The following SHB variants were observed in gnomAD, a reference collection of about 807,000 sequenced individuals.
SHB encodes the protein SH2 domain-containing adapter protein B.
SHB carries 20 observed loss-of-function variants against 52.3 expected under a neutral mutation model. The observed-to-expected ratio is 0.38, with a 90% CI of 0.27 to 0.56. The LOEUF (loss-of-function observed/expected upper bound fraction) is 0.56. Among genes scored for constraint, SHB ranks in the 20% least tolerant of loss-of-function variants. The probability of loss-of-function intolerance (pLI) is 0.71; values close to 1 mark genes in which losing one functional copy is unlikely to be tolerated. For missense variants in SHB, 825 were observed against 723.3 expected, an observed-to-expected ratio of 1.14 and a Z score of -1.61; for synonymous variants, 397 against 316.5, an observed-to-expected ratio of 1.25 and a Z score of -2.70.
chr9:38,033,352 G>C (rs531990176), intron 1 of SHB, among the ~76,000 whole-genome samples: 1 of 152,142 alleles, frequency 6.6e-6, no homozygotes, highest in African/African-American at 2.4e-5. Flanking sequence ...CAGCCAATTC[G>C]GGGAGGGGGC....
intron 1 of SHB, among the ~76,000 whole-genome samples, chr9:38,018,175 T>C (rs1587246323): frequency 6.6e-6 from 1 of 152,108 alleles, no homozygotes; most frequent in African/African-American, 2.4e-5. Flanking sequence ...GGAGAGGCAG[T>C]TGGGTTGCAG....
chr9:37,960,697 T>A (rs1018188597), intron 3 of SHB, among the ~76,000 whole-genome samples: 1 of 152,158 alleles, frequency 6.6e-6, no homozygotes, highest in African/African-American at 2.4e-5. Context: ...CCCTTTCTGC[T>A]TGTATGACAG....
chr9:37,957,056 G>T (rs1832644086), intron 3 of SHB, among the ~76,000 whole-genome samples: 1 of 152,178 alleles, frequency 6.6e-6, no homozygotes, highest in African/African-American at 2.4e-5. Context: ...CCTTGGCTAC[G>T]CTATTGAACC....
chr9:38,021,650 A>G (rs1214652845), intron 1 of SHB, among the ~76,000 whole-genome samples: 2 of 152,010 alleles, frequency 1.3e-5, no homozygotes, highest in African/African-American at 2.4e-5. Flanking sequence ...CCTGGGTGAC[A>G]CAGCGAGACT....
intron 3 of SHB, among the ~76,000 whole-genome samples, chr9:37,957,830 C>T (rs867440956): frequency 3.9e-5 from 6 of 152,142 alleles, no homozygotes; most frequent in Non-Finnish European, 5.9e-5. Flanking sequence ...CCAAAGGTGA[C>T]ATCTGAATAA....
In SHB at chr9:38,068,250, G is replaced by A. The variant is rs1242496701; in HGVS notation, c.396C>T (p.Ser132=). The A allele has an allele frequency of 6.3e-6, 9 of 1,421,482 alleles. No homozygotes were observed. The highest frequency in any genetic ancestry group is 8.2e-6 in the Non-Finnish European group (9 of 1,098,176). The allele number at this position is 1,421,482 out of a possible 1,614,324, so 88.1% of individuals were successfully genotyped here. A position where few individuals can be genotyped will look rare whatever the true frequency, so the allele number is the denominator to read the frequency against. The change falls in exon 1 of 6, where the codon TCC becomes TCT. Residue 132 remains serine (S), a synonymous_variant. Transcript: ENST00000377707. The stretch of plus-strand genomic sequence containing the variant: ...AGCAACAGCCCGCGGCGCCCGACGC[G>A]GACGAGGCCGAGAAGGCGCGCTGGA... The part of the protein sequence containing the change: ...GGVQRAFSAS[S]ASGAAGCCCA...
intron 4 of SHB, among the ~76,000 whole-genome samples, chr9:37,954,765 T>C (rs540506380): frequency 7.2e-4 from 110 of 152,246 alleles, no homozygotes; most frequent in Non-Finnish European, 1.0e-3. Flanking sequence ...ATTCACAGAA[T>C]GAATGGCAGG....
intron 1 of SHB, among the ~76,000 whole-genome samples, chr9:38,059,540 G>A (rs1378300249): frequency 2.6e-5 from 4 of 152,210 alleles, no homozygotes; most frequent in Non-Finnish European, 5.9e-5. Flanking sequence ...GCCGCTGAAA[G>A]TGAAACATTA....
intron 5 of SHB, among the ~76,000 whole-genome samples, chr9:37,931,845 C>G (rs1445334404): frequency 1.3e-5 from 2 of 152,180 alleles, no homozygotes; most frequent in Non-Finnish European, 2.9e-5. Context: ...AACTGAAGGT[C>G]TGTCAAGGAT....
chr9:38,032,979 G>T (rs1239778956), intron 1 of SHB, among the ~76,000 whole-genome samples: 1 of 152,140 alleles, frequency 6.6e-6, no homozygotes, highest in Non-Finnish European at 1.5e-5. Flanking sequence ...AAAATATGCT[G>T]GCTGTTGTTA....
At chr9:37,994,797 C>T (rs933785853) in intron 2 of SHB, among the ~76,000 whole-genome samples, 1 of 152,152 alleles carries the variant, frequency 6.6e-6, no homozygotes, top group Non-Finnish European at 1.5e-5. Flanking sequence ...GGGAAGACTT[C>T]TCGTTTTTTT....
chr9:37,982,114 T>C (rs953440814), intron 2 of SHB, among the ~76,000 whole-genome samples: 1 of 149,942 alleles, frequency 6.7e-6, no homozygotes, highest in African/African-American at 2.4e-5. Flanking sequence ...AAAAATGCAA[T>C]ACCTGCAAAC....
intron 5 of SHB, among the ~76,000 whole-genome samples, chr9:37,926,299 G>A (rs1040176117): frequency 2.6e-5 from 4 of 151,980 alleles, no homozygotes; most frequent in Middle Eastern, 3.4e-3. Flanking sequence ...CCAGGGAAGT[G>A]GGACATTTTG....
intron 5 of SHB, among the ~76,000 whole-genome samples, chr9:37,928,910 G>A (rs2118468723): frequency 6.6e-6 from 1 of 152,380 alleles, no homozygotes; most frequent in East Asian, 1.9e-4. Context: ...TCCAGAGCAG[G>A]ACCATGCAGA....
At position 38,004,884 on chromosome 9, in the gene SHB, G is replaced by A. The variant is rs143158846; in HGVS notation, c.838+11127C>T. Reference sequence around the variant, plus strand: ...CCATTGGCCAGGGCAGAGGTGAGCCGGCCCAGCAGGCATGAGACCCAGTTC... The same window carrying A: ...CCATTGGCCAGGGCAGAGGTGAGCCAGCCCAGCAGGCATGAGACCCAGTTC... On this transcript the variant is annotated intron_variant, in intron 2 of 5. Transcript: ENST00000377707. 1.6e-3 allele frequency among the ~76,000 whole-genome samples: 243 copies of A among 152,366 alleles called. 1 individual carries two copies. The highest frequency in any genetic ancestry group is 9.6e-3 in the East Asian group (50 of 5,188).
chr9:37,974,638 G>A lies in SHB; in HGVS notation c.1038C>T (p.Thr346=). Residue 346 remains threonine (T), a synonymous_variant, in exon 3 of 6, where the codon ACC becomes ACT. Transcript: ENST00000377707. ...GCTCCTTACCTGCCAGGGCTGGGAT[G>A]GTGACCCGGTTCCACTCCCAAGGCT... The part of the protein sequence containing the change: ...YDQPWEWNRV[T]IPALAAQFNG... 6.2e-7 allele frequency: 1 copy of A among 1,612,958 alleles called. No homozygotes were observed.
chr9:37,955,520 C>T (rs1274900175), intron 4 of SHB, among the ~76,000 whole-genome samples: 1 of 152,158 alleles, frequency 6.6e-6, no homozygotes, highest in Non-Finnish European at 1.5e-5. Context: ...CTCTGTTGCC[C>T]AGGCTCGACT....
chr9:37,934,446 G>A (rs1832346198), intron 5 of SHB, among the ~76,000 whole-genome samples: 1 of 152,012 alleles, frequency 6.6e-6, no homozygotes, highest in Admixed American at 6.6e-5. Context: ...TTACAGGTGT[G>A]AGCCACCATG....
intron 1 of SHB, among the ~76,000 whole-genome samples, chr9:38,065,258 G>A (rs1306828250): frequency 2.6e-5 from 4 of 152,174 alleles, no homozygotes; most frequent in Admixed American, 6.5e-5. Context: ...CTGCCTGATG[G>A]GGTGGAGGTG....
Sources: allele counts gnomAD v4.1 joint callset (sites outside exome capture counted in the v4.1 genomes callset), GRCh38; gene constraint gnomAD v4.1.1; transcripts MANE v1.5; gene names NCBI Gene and HGNC (gene_info 2026-07-23, HGNC 2026-07-21).